IQANK1: variants seen among roughly 807,000 people sequenced by gnomAD.
IQANK1 encodes IQ motif and ankyrin repeat domain-containing protein 1.
IQANK1 carries 30 observed loss-of-function variants against 22.6 expected under a neutral mutation model. That is an observed-to-expected ratio of 1.33 (90% CI 0.99 to 1.80). IQANK1 has a LOEUF of 1.80. Among genes scored for constraint, IQANK1 ranks in the 40% most tolerant of loss-of-function variants. The pLI, the probability that IQANK1 is intolerant of heterozygous loss-of-function variation, is 0.00. For missense variants in IQANK1, 275 were observed against 235.2 expected (o/e 1.17, Z -1.11); for synonymous variants, 122 against 99.6 (o/e 1.23, Z -1.34).
chr8:143,790,139 G>A lies in IQANK1; in HGVS notation c.1292G>A (p.Trp431Ter). ...AGTGACCTGATGGGTGTCCCCAGGT[G>A]GCCTCTTGTTATTGACCCTTTGGGC... The part of the protein sequence containing the change: ...VGNRIRADGR[W>*]PLVIDPLGQA... The change falls in exon 13 of 14, where the codon TGG becomes TAG. Residue 431 changes from tryptophan to a stop codon, truncating the protein, a stop_gained and splice_region_variant. Transcript: ENST00000527139. LOFTEE classifies it high-confidence loss of function. The A allele has an allele frequency of 8.1e-7, 1 of 1,232,072 alleles. No individual in the cohort carries two copies. Among genetic ancestry groups the A allele is most frequent in the Non-Finnish European group, 1.0e-6 (1 of 987,974 alleles). 76.3% of individuals were successfully genotyped at this position (1,232,072 alleles called of 1,614,324 possible).
intron 3 of IQANK1, among the ~76,000 whole-genome samples, chr8:143,740,909 T>C (rs1354671704): frequency 6.6e-6 from 1 of 152,166 alleles, no homozygotes; most frequent in Non-Finnish European, 1.5e-5. Context: ...GGTATGTCAG[T>C]GGTGGAGCGT....
intron 3 of IQANK1, among the ~76,000 whole-genome samples, chr8:143,761,214 G>A (rs1219165571): frequency 1.8e-4 from 28 of 152,142 alleles, no homozygotes; most frequent in African/African-American, 6.0e-4. Context: ...CTGCTCCTCC[G>A]GCTCCCCGCC....
At chr8:143,777,537 A>C (rs573269829) in intron 7 of IQANK1, among the ~76,000 whole-genome samples, 5,694 of 150,480 alleles carry the variant, frequency 0.038, 352 homozygotes, top group African/African-American at 0.12. Context: ...AAAAAAAAAA[A>C]AACAAACCAC....
At chr8:143,776,181 C>T (rs1229610012) in intron 7 of IQANK1, among the ~76,000 whole-genome samples, 5 of 151,498 alleles carry the variant, frequency 3.3e-5, no homozygotes, top group African/African-American at 4.9e-5. Context: ...ATTAGCCGGG[C>T]GTGGTGGCGG....
chr8:143,743,839 TC>T (rs1258872181), intron 3 of IQANK1: 2 of 432,122 alleles, frequency 4.6e-6, no homozygotes, highest in Middle Eastern at 7.4e-4. Context: ...CTTATTGGAT[TC>T]TTTTTCTTTT....
chr8:143,743,833 T>C (rs534729317), intron 3 of IQANK1: 172 of 432,854 alleles, frequency 4.0e-4, no homozygotes, highest in African/African-American at 2.1e-3. Context: ...TGAATACTTA[T>C]TGGATTCTTT....
chr8:143,772,556 C>T (rs782031726), intron 7 of IQANK1, 74 bp downstream of exon 7: 13 of 398,276 alleles, frequency 3.3e-5, no homozygotes, highest in South Asian at 1.3e-4. Context: ...GTGTGAGCCC[C>T]GGGAGGTGTG....
chr8:143,752,814 T>C (rs1415997654), intron 3 of IQANK1, among the ~76,000 whole-genome samples: 1 of 152,174 alleles, frequency 6.6e-6, no homozygotes, highest in East Asian at 1.9e-4. Flanking sequence ...ATAAGTACTC[T>C]CTACGATGTT....
intron 7 of IQANK1, among the ~76,000 whole-genome samples, chr8:143,775,717 G>A (rs782558991): frequency 8.6e-5 from 13 of 151,288 alleles, no homozygotes; most frequent in Middle Eastern, 3.4e-3. Context: ...AGCTGAGATC[G>A]CGCCACTGGG....
intron 7 of IQANK1, among the ~76,000 whole-genome samples, chr8:143,776,639 T>C (rs1819691735): frequency 6.6e-6 from 1 of 152,152 alleles, no homozygotes; most frequent in Admixed American, 6.5e-5. Flanking sequence ...TCAAGGATAC[T>C]GAGGCAGCAG....
intron 3 of IQANK1, chr8:143,743,845 TC>T (rs1818973257): frequency 6.9e-6 from 3 of 432,326 alleles, no homozygotes; most frequent in African/African-American, 6.2e-5. Context: ...GGATTCTTTT[TC>T]TTTTTTTTTT....
chr8:143,736,941 C>A (rs1263093282), intron 2 of IQANK1, among the ~76,000 whole-genome samples: 1 of 152,094 alleles, frequency 6.6e-6, no homozygotes, highest in Non-Finnish European at 1.5e-5. Context: ...TAAGAGAGCA[C>A]CCCATCCTGC....
chr8:143,767,159 G>A (rs1268993631), intron 3 of IQANK1, among the ~76,000 whole-genome samples: 4 of 152,196 alleles, frequency 2.6e-5, no homozygotes, highest in Non-Finnish European at 5.9e-5. Context: ...AGAATCACGT[G>A]GTCAATTTTC....
At chr8:143,773,319 AAAAAAACAC>A (rs1819620197) in intron 7 of IQANK1, among the ~76,000 whole-genome samples, 3 of 108,386 alleles carry the variant, frequency 2.8e-5, no homozygotes, top group African/African-American at 1.2e-4. Context: ...AAAAAAAACA[AAAAAAACAC>A]AAAAAAAACA....
At chr8:143,759,499 C>T (rs1477937002) in intron 3 of IQANK1, 2 of 152,356 alleles carry the variant, frequency 1.3e-5, no homozygotes, top group Non-Finnish European at 2.9e-5. Flanking sequence ...GCAGCCCCAT[C>T]CTTGTGAATG....
intron 3 of IQANK1, among the ~76,000 whole-genome samples, chr8:143,748,692 TC>T (rs1190665858): frequency 1.7e-5 from 2 of 117,422 alleles, no homozygotes; most frequent in African/African-American, 7.6e-5. Flanking sequence ...ATCATATATA[TC>T]ATATATAAAT....
In IQANK1 at chr8:143,772,036, G is replaced by A; in HGVS notation, c.472-16G>A. 2.5e-6 allele frequency: 1 copy of A among 396,118 alleles called. No individual in the cohort carries two copies. The highest frequency in any genetic ancestry group is 4.5e-6 in the Non-Finnish European group (1 of 224,558). The allele number at this position is 396,118 out of a possible 1,614,324, so 24.5% of individuals were successfully genotyped here. On this transcript the variant is annotated splice_polypyrimidine_tract_variant and intron_variant, in intron 5 of 13. Transcript: ENST00000527139. ...GTGGGAGGAGCGGGGAGCGGTGACC[G>A]CGGCGAGCTGCGCAGGTGGAGCAGC...
At chr8:143,751,384 G>A (rs572675321) in intron 3 of IQANK1, among the ~76,000 whole-genome samples, 4 of 152,002 alleles carry the variant, frequency 2.6e-5, no homozygotes, top group South Asian at 2.1e-4. Flanking sequence ...GGCCAAGATC[G>A]GTGGATTACC....
intron 7 of IQANK1, among the ~76,000 whole-genome samples, chr8:143,785,599 A>T (rs1554631278): frequency 6.6e-6 from 1 of 151,952 alleles, no homozygotes; most frequent in African/African-American, 2.4e-5. Context: ...TTGCTCTGTC[A>T]CCCAGGCTGG....
Sources: allele counts gnomAD v4.1 joint callset (sites outside exome capture counted in the v4.1 genomes callset), GRCh38; gene constraint gnomAD v4.1.1; transcripts MANE v1.5; gene names NCBI Gene and HGNC (gene_info 2026-07-23, HGNC 2026-07-21).